The following PXDC1 variants were observed in gnomAD, a reference collection of about 807,000 sequenced individuals.
PXDC1 encodes the protein PX domain-containing protein 1.
Under a neutral mutation model 24.4 loss-of-function variants are expected in PXDC1, and 13 were observed. The ratio of observed to expected loss-of-function variants is 0.53; its 90% CI spans 0.35 to 0.85. The LOEUF (loss-of-function observed/expected upper bound fraction) is 0.85. PXDC1 is among the 40% of genes least tolerant of loss of function. The pLI, the probability that PXDC1 is intolerant of heterozygous loss-of-function variation, is 0.01. For missense variants in PXDC1, 344 were observed against 309.3 expected, an observed-to-expected ratio of 1.11 and a Z score of -0.84; for synonymous variants, 162 against 124.9, an observed-to-expected ratio of 1.30 and a Z score of -1.98.
At chr6:3,729,189 C>T (rs993593688) in intron 3 of PXDC1, among the ~76,000 whole-genome samples, 2 of 152,084 alleles carry the variant, frequency 1.3e-5, no homozygotes, top group African/African-American at 4.8e-5. Flanking sequence ...GGTTCATTCC[C>T]GTGTATGGAT....
At position 3,725,375 on chromosome 6, in the gene PXDC1, C is replaced by T. The variant is rs1047360644; in HGVS notation, c.579-1639G>A. Among the ~76,000 whole-genome samples the T allele has an allele frequency of 6.6e-6, 1 of 152,176 alleles. No individual in the cohort carries two copies. Among genetic ancestry groups the T allele is most frequent in the Non-Finnish European group, 1.5e-5 (1 of 68,016 alleles). ...AGTGCCTCGGCCCTGGATGACCTCC[C>T]AGAAGCCAGGCAATCCCTTCGCCAG... On this transcript the variant is annotated intron_variant, in intron 4 of 4. Transcript: ENST00000380283. This position sits in a 1 kb window ranked among gnomAD's most constrained non-coding sequence, Gnocchi z 4.8.
intron 1 of PXDC1, among the ~76,000 whole-genome samples, chr6:3,743,286 C>G (rs1052752640): frequency 1.8e-4 from 27 of 152,182 alleles, no homozygotes; most frequent in Admixed American, 3.9e-4. Flanking sequence ...TCTCTGAGCA[C>G]TCAGAGGACG....
Position 3,737,691 on chromosome 6 carries a change from A to C in PXDC1, c.348+366T>G. 1 of 985,396 alleles carries C rather than the reference A, an allele frequency of 1.0e-6. No individual in the cohort carries two copies. Among genetic ancestry groups the C allele is most frequent in the African/African-American group, 1.7e-5 (1 of 57,344 alleles). The allele number at this position is 985,396 out of a possible 1,614,324, so 61.0% of individuals were successfully genotyped here. ...GACGCCAACGTTCTTCTTGGTTTCCACGTGTCTGTTCTAAAATCCCCTCAG... is the reference window on the plus strand; with the variant it reads ...GACGCCAACGTTCTTCTTGGTTTCCCCGTGTCTGTTCTAAAATCCCCTCAG... On this transcript the variant is annotated intron_variant, in intron 2 of 4. Coordinates refer to ENST00000380283, the MANE Select transcript of PXDC1 (RefSeq NM_183373.4). The surrounding 1 kb of genome is among the most constrained non-coding windows in gnomAD (Gnocchi z 5.5).
At chr6:3,736,556 A>T (rs532851567) in intron 3 of PXDC1, among the ~76,000 whole-genome samples, 1 of 152,302 alleles carries the variant, frequency 6.6e-6, no homozygotes, top group East Asian at 1.9e-4. Context: ...TGTTCTCATG[A>T]CACCTGCAAC....
At chr6:3,732,210 T>C (rs1343509285) in intron 3 of PXDC1, among the ~76,000 whole-genome samples, 1 of 152,240 alleles carries the variant, frequency 6.6e-6, no homozygotes, top group African/African-American at 2.4e-5. Flanking sequence ...TCAATAACTC[T>C]ATTCCTTTTC....
At chr6:3,749,108 G>A (rs187849271) in intron 1 of PXDC1, among the ~76,000 whole-genome samples, 1 of 152,166 alleles carries the variant, frequency 6.6e-6, no homozygotes, top group African/African-American at 2.4e-5. Flanking sequence ...TGCTGGGCAG[G>A]GACCAACTAA....
At position 3,724,294 on chromosome 6, in the gene PXDC1, C is replaced by G. The variant is rs571268690; in HGVS notation, c.579-558G>C. 1.9e-4 allele frequency among the ~76,000 whole-genome samples: 29 copies of G among 152,136 alleles called. No homozygotes were observed. The highest frequency in any genetic ancestry group is 3.2e-4 in the Non-Finnish European group (22 of 67,984). On this transcript the variant is annotated intron_variant, in intron 4 of 4. Coordinates refer to ENST00000380283, the MANE Select transcript of PXDC1 (RefSeq NM_183373.4). This position sits in a 1 kb window ranked among gnomAD's most constrained non-coding sequence, Gnocchi z 4.5. ...TGTGGGTACGTGTTTCATTCGCGCTCTGGCAGATGAGAAGCATCCGAACAT... is the reference window on the plus strand; with the variant it reads ...TGTGGGTACGTGTTTCATTCGCGCTGTGGCAGATGAGAAGCATCCGAACAT...
rs1423611217 is a variant in PXDC1, at chr6:3,749,464, T to TGA, written c.256+1811_256+1812insTC. Among the ~76,000 whole-genome samples the TGA allele has an allele frequency of 2.0e-5, 3 of 146,598 alleles. No homozygotes were observed. In the East Asian group the frequency reaches 6.1e-4, roughly 30 times the overall value. On this transcript the variant is annotated intron_variant, in intron 1 of 4. Transcript: ENST00000380283. ...CACTCTTTTGAGCCACTCCTGCGTGTCCACACAGCTTGTGACCGCGTAACA... is the reference window on the plus strand; with the variant it reads ...CACTCTTTTGAGCCACTCCTGCGTGTGACCACACAGCTTGTGACCGCGTAACA...
chr6:3,744,956 T>C (rs910448865), intron 1 of PXDC1, among the ~76,000 whole-genome samples: 3 of 152,236 alleles, frequency 2.0e-5, no homozygotes, highest in African/African-American at 7.2e-5. Context: ...TGCCTCGGCC[T>C]CCCAAAGTGC....
intron 1 of PXDC1, among the ~76,000 whole-genome samples, chr6:3,744,510 G>C (rs1760521690): frequency 4.6e-5 from 7 of 152,214 alleles, no homozygotes; most frequent in Admixed American, 4.6e-4. Context: ...AGGGTGAAAG[G>C]GGTTGGGGAA....
chr6:3,725,907 G>A lies in PXDC1; in HGVS notation c.578+1644C>T, dbSNP rs746692326. Among the ~76,000 whole-genome samples the A allele has an allele frequency of 6.6e-6, 1 of 152,096 alleles. No individual in the cohort carries two copies. The highest frequency in any genetic ancestry group is 1.5e-5 in the Non-Finnish European group (1 of 68,014). The stretch of plus-strand genomic sequence containing the variant: ...TTTCTGGGGTCATGGAGATTTTCTC[G>A]GCCCTCTCTGTGAGCCAGGCATCCC... On this transcript the variant is annotated intron_variant, in intron 4 of 4. Coordinates refer to ENST00000380283, the MANE Select transcript of PXDC1 (RefSeq NM_183373.4). The surrounding 1 kb of genome is among the most constrained non-coding windows in gnomAD (Gnocchi z 4.8).
At chr6:3,741,357 T>A (rs894909839) in intron 1 of PXDC1, among the ~76,000 whole-genome samples, 6 of 152,138 alleles carry the variant, frequency 3.9e-5, no homozygotes, top group African/African-American at 1.4e-4. Flanking sequence ...CCTGAGAAAA[T>A]TTAGATGGGG....
intron 4 of PXDC1, 110 bp from the exon 5 acceptor site, chr6:3,723,846 A>G (rs932449993): frequency 7.6e-6 from 6 of 792,424 alleles, no homozygotes; most frequent in African/African-American, 5.1e-5. Flanking sequence ...AGTGTGCAAA[A>G]AAACCACGGC....
intron 1 of PXDC1, chr6:3,739,189 T>C: frequency 9.4e-7 from 1 of 1,068,368 alleles, no homozygotes; most frequent in Non-Finnish European, 1.2e-6. Context: ...AAAGATTTCT[T>C]AAACTTCCTG....
chr6:3,727,435 G>A (rs1760092523), intron 4 of PXDC1, 116 bp downstream of exon 4: 2 of 652,826 alleles, frequency 3.1e-6, no homozygotes, highest in African/African-American at 3.6e-5. Context: ...ATGCAGGTAG[G>A]AACTGCTGGG....
At chr6:3,743,221 C>T (rs1252291099) in intron 1 of PXDC1, among the ~76,000 whole-genome samples, 13 of 151,924 alleles carry the variant, frequency 8.6e-5, no homozygotes. Context: ...GATGCTGGCT[C>T]GGGTGCGCTG....
At chr6:3,750,620 G>A (rs1760684429) in intron 1 of PXDC1, among the ~76,000 whole-genome samples, 1 of 152,252 alleles carries the variant, frequency 6.6e-6, no homozygotes, top group Non-Finnish European at 1.5e-5. Flanking sequence ...CGCGAGCCAG[G>A]ACGGTCACGA....
intron 1 of PXDC1, among the ~76,000 whole-genome samples, chr6:3,739,659 C>T (rs967587286): frequency 6.6e-6 from 1 of 152,218 alleles, no homozygotes; most frequent in African/African-American, 2.4e-5. Context: ...TCTCCAGCCT[C>T]GGCCCACCTC....
intron 1 of PXDC1, among the ~76,000 whole-genome samples, chr6:3,741,471 A>C (rs1193981824): frequency 1.3e-5 from 2 of 152,204 alleles, no homozygotes; most frequent in Non-Finnish European, 1.5e-5. Flanking sequence ...TGAATTCCCC[A>C]TTCCGGCTCC....
Sources: gnomAD v4.1 joint callset for allele counts (sites outside exome capture counted in the v4.1 genomes callset) on GRCh38, gnomAD v4.1.1 for gene constraint, Gnocchi (gnomAD v3.1) non-coding constraint, MANE v1.5 for transcripts, NCBI Gene and HGNC (gene_info 2026-07-23, HGNC 2026-07-21) for gene names.